The following IL13RA1 variants were observed in gnomAD, a reference collection of about 807,000 sequenced individuals.
IL13RA1 encodes interleukin-13 receptor subunit alpha-1.
In IL13RA1, 14 loss-of-function variants were observed where a neutral mutation model predicts 33.8. The observed-to-expected ratio is 0.41, with a 90% CI of 0.27 to 0.65. The LOEUF (loss-of-function observed/expected upper bound fraction) is 0.65, where lower values mean the gene tolerates loss of function less well. Among genes scored for constraint, IL13RA1 ranks in the 30% least tolerant of loss-of-function variants. IL13RA1 has a pLI of 0.28. For missense variants in IL13RA1, 313 were observed against 327.0 expected (o/e 0.96, Z 0.33); for synonymous variants, 116 against 115.7 (o/e 1.00, Z -0.02).
At chrX:118,765,453 A>G (rs1039180860) in intron 6 of IL13RA1, among the ~76,000 whole-genome samples, 1 of 111,141 alleles carries the variant, frequency 9.0e-6, no homozygotes, top group South Asian at 3.8e-4. Context: ...TTCACTCAAC[A>G]TTATGTTTAT....
chrX:118,802,478 A>C, the IL13RA1 span, among the ~76,000 whole-genome samples: 1 of 111,791 alleles, frequency 8.9e-6, no homozygotes, highest in African/African-American at 3.2e-5. Flanking sequence ...CCTGGATTCA[A>C]CAGATATTTA....
chrX:118,787,317 T>C (rs1446773445), intron 10 of IL13RA1, among the ~76,000 whole-genome samples: 1 of 111,159 alleles, frequency 9.0e-6, no homozygotes, highest in Non-Finnish European at 1.9e-5. Context: ...CCAGCAAGTT[T>C]TTATTAGCAA....
At chrX:118,748,005 T>TTGTGTGTGTGTGTGTG (rs61230421) in intron 3 of IL13RA1, among the ~76,000 whole-genome samples, 37 of 88,854 alleles carry the variant, frequency 4.2e-4, no homozygotes, top group Admixed American at 3.4e-3. Flanking sequence ...AGAGTGAATG[T>TTGTGTGTGTGTGTGTG]TGTGTGTGTG....
intron 4 of IL13RA1, among the ~76,000 whole-genome samples, chrX:118,755,248 C>A (rs1312505460): frequency 9.0e-6 from 1 of 111,374 alleles, no homozygotes; most frequent in Non-Finnish European, 1.9e-5. Flanking sequence ...GGCGCCTGGC[C>A]TGGAGTCATT....
intron 10 of IL13RA1, among the ~76,000 whole-genome samples, chrX:118,782,767 ATT>A (rs35301680): frequency 1.3e-3 from 127 of 99,287 alleles, no homozygotes; most frequent in African/African-American, 4.1e-3. Flanking sequence ...CCAGCTAATA[ATT>A]TTTTTTTTTT....
intron 3 of IL13RA1, 83 bp from the exon 4 acceptor site, chrX:118,749,575 C>T: frequency 4.3e-6 from 4 of 937,644 alleles, no homozygotes; most frequent in Non-Finnish European, 6.1e-6. Flanking sequence ...GAAGCACTCT[C>T]ATCATCCCCA....
At chrX:118,791,223 G>A (rs1241952448) in intron 10 of IL13RA1, among the ~76,000 whole-genome samples, 1 of 111,878 alleles carries the variant, frequency 8.9e-6, no homozygotes, top group Non-Finnish European at 1.9e-5. Flanking sequence ...TGTGCTTTAT[G>A]TGTAATTTCC....
chrX:118,801,343 T>G, the IL13RA1 span, among the ~76,000 whole-genome samples: 1 of 112,270 alleles, frequency 8.9e-6, no homozygotes. Context: ...ATATGCCTTA[T>G]TGTGGATCTT....
intron 10 of IL13RA1, among the ~76,000 whole-genome samples, chrX:118,776,845 T>A (rs1325054313): frequency 9.2e-6 from 1 of 108,520 alleles, no homozygotes; most frequent in Non-Finnish European, 1.9e-5. Flanking sequence ...GCACCTGTGG[T>A]CCCAGCTACT....
intron 4 of IL13RA1, among the ~76,000 whole-genome samples, chrX:118,754,844 A>G (rs2017509583): frequency 1.8e-5 from 2 of 109,814 alleles, no homozygotes; most frequent in Admixed American, 1.9e-4. Context: ...ATTAGCAAGC[A>G]CCAGAAATGG....
intron 5 of IL13RA1, chrX:118,758,932 T>C (rs2017562742): frequency 9.0e-6 from 1 of 111,716 alleles, no homozygotes; most frequent in Non-Finnish European, 1.9e-5. Flanking sequence ...AGATAAACAT[T>C]CAAATCATAG....
chrX:118,740,147 G>T (rs1219173541), intron 1 of IL13RA1, among the ~76,000 whole-genome samples: 1 of 111,497 alleles, frequency 9.0e-6, no homozygotes, highest in Non-Finnish European at 1.9e-5. Flanking sequence ...TAACTTTTTT[G>T]TATAGATGGG....
chrX:118,759,899 A>G (rs955130994), intron 5 of IL13RA1, among the ~76,000 whole-genome samples: 33 of 111,092 alleles, frequency 3.0e-4, no homozygotes, highest in Middle Eastern at 4.6e-3. Flanking sequence ...CAGCCTCCCT[A>G]GTACCTGGGA....
intron 3 of IL13RA1, among the ~76,000 whole-genome samples, chrX:118,748,972 G>A (rs1483019686): frequency 9.0e-6 from 1 of 111,647 alleles, no homozygotes; most frequent in Non-Finnish European, 1.9e-5. Context: ...CTGGAGTGCA[G>A]TGGCAAGATC....
chrX:118,774,104 A>G, intron 9 of IL13RA1, 129 bp downstream of exon 9: 1 of 407,508 alleles, frequency 2.5e-6, no homozygotes, highest in Non-Finnish European at 4.2e-6. Context: ...GGCTTTCGGG[A>G]GTATGACATG....
In IL13RA1 at chrX:118,728,172, A is replaced by G. The variant is rs527549597; in HGVS notation, c.88+446A>G. Among the ~76,000 whole-genome samples the G allele has an allele frequency of 7.1e-5, 8 of 112,645 alleles. No homozygotes were observed. The South Asian group carries it at 2.9e-3, about 41-fold the overall frequency. ...CCGGCGGGGACCACGACCGAAGTCC[A>G]GGCGAGCTGAGAACGCGCCGGGGCT... is the stretch of plus-strand genomic sequence containing the variant. On this transcript the variant is annotated intron_variant, in intron 1 of 10. Transcript: ENST00000371666.
Position 118,766,566 on chromosome X carries a change from A to G in IL13RA1, c.865A>G (p.Arg289Gly), listed in dbSNP as rs1016327091. ...TAAATGTGAGAATCCAGAATTTGAGAGAAATGTGGAGGTCAGTAAATTCAA... is the reference window on the plus strand; with the variant it reads ...TAAATGTGAGAATCCAGAATTTGAGGGAAATGTGGAGGTCAGTAAATTCAA... ...EAKCENPEFE[R>G]NVENTSCFMV... The change falls in exon 7 of 11, where the codon AGA (arginine) becomes GGA (glycine). Residue 289 changes from arginine to glycine, a missense_variant. Physicochemically the swap from Arg to Gly is moderately radical, Grantham distance 125. Transcript: ENST00000371666. 1.9e-6 allele frequency: 2 copies of G among 1,059,207 alleles called. No homozygotes were observed. The highest frequency in any genetic ancestry group is 3.8e-5 in the South Asian group (2 of 52,957). 87.3% of individuals were successfully genotyped at this position (1,059,207 alleles called of 1,213,427 possible). A position where few individuals can be genotyped will look rare whatever the true frequency, so the allele number is the denominator to read the frequency against.
At chrX:118,781,534 T>C (rs776714862) in intron 10 of IL13RA1, among the ~76,000 whole-genome samples, 2 of 111,423 alleles carry the variant, frequency 1.8e-5, no homozygotes, top group Non-Finnish European at 3.8e-5. Context: ...GTAATTTTAG[T>C]AGAAATGGGG....
In IL13RA1 at chrX:118,747,365, ACACT is replaced by A. The variant is rs1248953934; in HGVS notation, c.367+277_367+280del. ...TACACATGCACGCGCGCGCACACAC[ACACT>A]CACACACACACACACGCACACCCCT... On this transcript the variant is annotated intron_variant, in intron 3 of 10. Coordinates refer to ENST00000371666, the MANE Select transcript of IL13RA1 (RefSeq NM_001560.3). Among the ~76,000 whole-genome samples the A allele has an allele frequency of 2.7e-5, 3 of 110,154 alleles. 1 individual carries two copies. The highest frequency in any genetic ancestry group is 5.7e-5 in the Non-Finnish European group (3 of 52,838).
Sources: allele counts gnomAD v4.1 joint callset (sites outside exome capture counted in the v4.1 genomes callset), GRCh38; gene constraint gnomAD v4.1.1; transcripts MANE v1.5; gene names NCBI Gene and HGNC (gene_info 2026-07-23, HGNC 2026-07-21).